Variants in ITGBL1 observed in about 807,000 individuals in gnomAD.
ITGBL1 encodes integrin subunit beta like 1.
Under a neutral mutation model 68.5 loss-of-function variants are expected in ITGBL1, and 51 were observed. That is an observed-to-expected ratio of 0.74 (90% CI 0.59 to 0.94). ITGBL1 has a LOEUF of 0.94. Among genes scored for constraint, ITGBL1 ranks in the 40% least tolerant of loss-of-function variants. The pLI, the probability that ITGBL1 is intolerant of heterozygous loss-of-function variation, is 0.00. For missense variants in ITGBL1, 649 were observed against 647.4 expected, an observed-to-expected ratio of 1.00 and a Z score of -0.03; for synonymous variants, 209 against 227.3, an observed-to-expected ratio of 0.92 and a Z score of 0.72.
chr13:101,587,759 G>A (rs1431249375), intron 6 of ITGBL1, among the ~76,000 whole-genome samples: 2 of 152,046 alleles, frequency 1.3e-5, no homozygotes. Context: ...GATTGTCAAA[G>A]CATTAAGAAA....
intron 7 of ITGBL1, among the ~76,000 whole-genome samples, chr13:101,605,658 G>A (rs755091967): frequency 6.6e-6 from 1 of 151,420 alleles, no homozygotes; most frequent in Non-Finnish European, 1.5e-5. Context: ...GCGTATGCAC[G>A]TATGTAGACA....
intron 2 of ITGBL1, among the ~76,000 whole-genome samples, chr13:101,491,786 C>G (rs563876785): frequency 7.2e-5 from 11 of 152,110 alleles, no homozygotes; most frequent in African/African-American, 2.4e-4. Flanking sequence ...GCCCTCCACC[C>G]CCTGACAGGG....
At chr13:101,510,756 C>A (rs2049102910) in intron 2 of ITGBL1, among the ~76,000 whole-genome samples, 1 of 151,898 alleles carries the variant, frequency 6.6e-6, no homozygotes, top group Non-Finnish European at 1.5e-5. Context: ...TAGTGATGAG[C>A]ATTTTTTCAT....
intron 3 of ITGBL1, 117 bp downstream of exon 3, chr13:101,567,962 T>A (rs1015680923): frequency 1.3e-6 from 1 of 761,266 alleles, no homozygotes; most frequent in African/African-American, 1.8e-5. Context: ...TTGAGTATGT[T>A]TTTTAGAAGT....
At chr13:101,688,037 C>T (rs2033795406) in intron 7 of ITGBL1, among the ~76,000 whole-genome samples, 1 of 151,882 alleles carries the variant, frequency 6.6e-6, no homozygotes, top group Non-Finnish European at 1.5e-5. Flanking sequence ...AACAGTAAAA[C>T]AATCACTGAA....
chr13:101,538,852 A>G (rs1233931593), intron 2 of ITGBL1, among the ~76,000 whole-genome samples: 1 of 152,004 alleles, frequency 6.6e-6, no homozygotes, highest in Non-Finnish European at 1.5e-5. Flanking sequence ...ACTCTTAAGC[A>G]GTTTATAGTC....
At chr13:101,468,374 T>C (rs922459298) in intron 2 of ITGBL1, among the ~76,000 whole-genome samples, 1 of 152,224 alleles carries the variant, frequency 6.6e-6, no homozygotes, top group African/African-American at 2.4e-5. Context: ...GAGTAGTATC[T>C]ACCTATATTT....
intron 2 of ITGBL1, among the ~76,000 whole-genome samples, chr13:101,526,083 A>G (rs1484435089): frequency 1.3e-5 from 2 of 151,786 alleles, no homozygotes; most frequent in Non-Finnish European, 2.9e-5. Context: ...CTTCAAATAC[A>G]AACATTTTAC....
chr13:101,599,446 T>A (rs2030212220), intron 7 of ITGBL1, among the ~76,000 whole-genome samples: 1 of 151,404 alleles, frequency 6.6e-6, no homozygotes, highest in African/African-American at 2.4e-5. Flanking sequence ...TTTAATTAGA[T>A]CCCATTTGTC....
At chr13:101,526,086 C>T (rs2049371840) in intron 2 of ITGBL1, among the ~76,000 whole-genome samples, 1 of 151,410 alleles carries the variant, frequency 6.6e-6, no homozygotes, top group African/African-American at 2.4e-5. Context: ...CAAATACAAA[C>T]ATTTTACTTG....
At chr13:101,564,829 G>C (rs2050157959) in intron 2 of ITGBL1, among the ~76,000 whole-genome samples, 1 of 150,930 alleles carries the variant, frequency 6.6e-6, no homozygotes, top group Non-Finnish European at 1.5e-5. Context: ...ATACAAAAAT[G>C]GGCAAAAGAA....
At chr13:101,537,303 A>G (rs2049595618) in intron 2 of ITGBL1, among the ~76,000 whole-genome samples, 1 of 152,040 alleles carries the variant, frequency 6.6e-6, no homozygotes, top group South Asian at 2.1e-4. Context: ...AAGAACCAAA[A>G]CAAATTTTGG....
intron 2 of ITGBL1, among the ~76,000 whole-genome samples, chr13:101,485,570 C>T (rs1362485025): frequency 2.0e-5 from 3 of 152,046 alleles, no homozygotes; most frequent in African/African-American, 4.8e-5. Flanking sequence ...TTTGGGAGAC[C>T]GAGGTGGGCT....
intron 2 of ITGBL1, among the ~76,000 whole-genome samples, chr13:101,502,124 TA>T (rs967484088): frequency 6.6e-6 from 1 of 152,014 alleles, no homozygotes; most frequent in African/African-American, 2.4e-5. Context: ...AGTACACACT[TA>T]AAAAAAACAA....
chr13:101,455,284 T>G (rs2048227775), intron 2 of ITGBL1, among the ~76,000 whole-genome samples: 2 of 152,286 alleles, frequency 1.3e-5, no homozygotes, highest in East Asian at 1.9e-4. Context: ...TGCTTGGCAA[T>G]GCAAAAAATA....
chr13:101,653,210 G>A (rs1051427224), intron 7 of ITGBL1, among the ~76,000 whole-genome samples: 3 of 149,806 alleles, frequency 2.0e-5, no homozygotes, highest in African/African-American at 7.3e-5. Flanking sequence ...GAGGAAAGGA[G>A]AAAGGAAGGA....
chr13:101,642,029 G>A (rs1362743418), intron 7 of ITGBL1, among the ~76,000 whole-genome samples: 1 of 151,998 alleles, frequency 6.6e-6, no homozygotes, highest in Non-Finnish European at 1.5e-5. Flanking sequence ...ACATACGTGT[G>A]CATGTGTCTT....
chr13:101,517,637 A>T (rs925724304), intron 2 of ITGBL1, among the ~76,000 whole-genome samples: 1 of 152,222 alleles, frequency 6.6e-6, no homozygotes, highest in African/African-American at 2.4e-5. Flanking sequence ...TATGTAAAGG[A>T]TAAGGATCTT....
At chr13:101,461,223 A>G (rs867912881) in intron 2 of ITGBL1, among the ~76,000 whole-genome samples, 7 of 152,344 alleles carry the variant, frequency 4.6e-5, no homozygotes, top group Admixed American at 4.6e-4. Context: ...AACCTCCCTC[A>G]TAAGGTTCTC....
Sources: gnomAD v4.1 joint callset for allele counts (sites outside exome capture counted in the v4.1 genomes callset) on GRCh38, gnomAD v4.1.1 for gene constraint, MANE v1.5 for transcripts, NCBI Gene and HGNC (gene_info 2026-07-23, HGNC 2026-07-21) for gene names.